Variants in BBS9 observed in about 807,000 individuals in gnomAD.
BBS9 encodes the protein Bardet-Biedl syndrome 9.
Under a neutral mutation model 117.7 loss-of-function variants are expected in BBS9, and 89 were observed. The observed-to-expected ratio is 0.76, with a 90% CI of 0.64 to 0.90. The LOEUF (loss-of-function observed/expected upper bound fraction) is 0.90. Among genes scored for constraint, BBS9 ranks in the 40% least tolerant of loss-of-function variants. BBS9 has a pLI of 0.00. For synonymous variants in BBS9, 379 were observed against 370.9 expected (o/e 1.02, Z -0.25); for missense variants, 982 against 1,042.2 (o/e 0.94, Z 0.80).
chr7:33,408,269 C>G (rs987549784), intron 19 of BBS9, among the ~76,000 whole-genome samples: 2 of 152,186 alleles, frequency 1.3e-5, no homozygotes, highest in African/African-American at 4.8e-5. Flanking sequence ...TCCTGGTGCG[C>G]CGTTTCCTAA....
intron 4 of BBS9, among the ~76,000 whole-genome samples, chr7:33,168,615 G>A (rs961945522): frequency 6.6e-6 from 1 of 151,966 alleles, no homozygotes; most frequent in Non-Finnish European, 1.5e-5. Flanking sequence ...TATCTAATCT[G>A]TCTTCTCTTA....
At chr7:33,147,126 A>G (rs1333269487) in intron 2 of BBS9, among the ~76,000 whole-genome samples, 4 of 152,220 alleles carry the variant, frequency 2.6e-5, no homozygotes, top group Non-Finnish European at 5.9e-5. Context: ...TTATCATATT[A>G]TAATACTAAA....
chr7:33,248,848 A>G (rs1022716498), intron 5 of BBS9, among the ~76,000 whole-genome samples: 5 of 152,014 alleles, frequency 3.3e-5, no homozygotes, highest in Admixed American at 2.0e-4. Context: ...TGCCTTTTTG[A>G]CTACCTATAC....
At chr7:33,266,259 G>A (rs1377956867) in intron 7 of BBS9, among the ~76,000 whole-genome samples, 3 of 152,152 alleles carry the variant, frequency 2.0e-5, no homozygotes, top group African/African-American at 7.2e-5. Context: ...TTACACGATA[G>A]TCACTTTGCA....
intron 19 of BBS9, among the ~76,000 whole-genome samples, chr7:33,404,799 A>G (rs1334931013): frequency 1.3e-5 from 2 of 152,088 alleles, no homozygotes; most frequent in Non-Finnish European, 2.9e-5. Flanking sequence ...AACAGGGACA[A>G]TTTGACTTCC....
intron 5 of BBS9, among the ~76,000 whole-genome samples, chr7:33,221,358 C>A (rs1408220806): frequency 6.6e-6 from 1 of 152,048 alleles, no homozygotes; most frequent in Non-Finnish European, 1.5e-5. Context: ...AATAAATGAA[C>A]GTGCTAATTA....
chr7:33,528,123 A>C (rs1849944620), intron 20 of BBS9, among the ~76,000 whole-genome samples: 1 of 152,176 alleles, frequency 6.6e-6, no homozygotes, highest in African/African-American at 2.4e-5. Flanking sequence ...AACACTTTTC[A>C]TTTTGCATCC....
At chr7:33,487,453 G>A (rs1843272874) in intron 19 of BBS9, among the ~76,000 whole-genome samples, 1 of 152,016 alleles carries the variant, frequency 6.6e-6, no homozygotes, top group South Asian at 2.1e-4. Flanking sequence ...ACTTAAATTG[G>A]CCCCTAAAAA....
At chr7:33,209,451 G>A (rs957798555) in intron 5 of BBS9, among the ~76,000 whole-genome samples, 3 of 152,160 alleles carry the variant, frequency 2.0e-5, no homozygotes, top group Admixed American at 1.3e-4. Flanking sequence ...GTTCTTTTGG[G>A]TGTGTAACTG....
chr7:33,360,157 G>A (rs1277101391), intron 16 of BBS9, among the ~76,000 whole-genome samples: 2 of 151,916 alleles, frequency 1.3e-5, no homozygotes, highest in Non-Finnish European at 2.9e-5. Flanking sequence ...TATTTACGTT[G>A]TTTTTAGTTT....
intron 3 of BBS9, among the ~76,000 whole-genome samples, chr7:33,153,762 A>G (rs1395198530): frequency 6.6e-6 from 1 of 152,136 alleles, no homozygotes; most frequent in Non-Finnish European, 1.5e-5. Flanking sequence ...TTAGGCTGGG[A>G]TATGAGATGA....
intron 19 of BBS9, among the ~76,000 whole-genome samples, chr7:33,487,508 A>G (rs918818275): frequency 2.0e-5 from 3 of 152,240 alleles, no homozygotes; most frequent in Admixed American, 6.5e-5. Context: ...TACTTTTTAC[A>G]TTAGAGAAAC....
chr7:33,430,730 A>G (rs1368019846), intron 19 of BBS9, among the ~76,000 whole-genome samples: 1 of 152,206 alleles, frequency 6.6e-6, no homozygotes, highest in East Asian at 1.9e-4. Context: ...TGGCCAATGG[A>G]CAGTGGAAAT....
At chr7:33,598,783 T>G (rs1212488820) in intron 21 of BBS9, among the ~76,000 whole-genome samples, 1 of 152,180 alleles carries the variant, frequency 6.6e-6, no homozygotes, top group African/African-American at 2.4e-5. Context: ...GGTAGTAGTA[T>G]TGTAAGATAA....
intron 9 of BBS9, among the ~76,000 whole-genome samples, chr7:33,302,729 T>TCTTCTTG (rs1351395948): frequency 6.6e-6 from 1 of 152,234 alleles, no homozygotes; most frequent in Non-Finnish European, 1.5e-5. Flanking sequence ...TCAGTTTTGT[T>TCTTCTTG]CTTCTTGCTT....
chr7:33,358,973 A>G lies in BBS9; in HGVS notation c.1693+978A>G, dbSNP rs58749439. 0.02 allele frequency among the ~76,000 whole-genome samples: 3,010 copies of G among 152,020 alleles called. 206 individuals are homozygous for G. In the East Asian group the frequency reaches 0.26, roughly 13 times the overall value. On this transcript the variant is annotated intron_variant, in intron 16 of 22. Coordinates refer to ENST00000242067, the MANE Select transcript of BBS9 (RefSeq NM_198428.3). ...AACTCTGAAAAATCTCCAAGATTAAATATTTTACTACAATTATTCTATTCT... is the reference window on the plus strand; with the variant it reads ...AACTCTGAAAAATCTCCAAGATTAAGTATTTTACTACAATTATTCTATTCT...
intron 9 of BBS9, among the ~76,000 whole-genome samples, chr7:33,313,064 T>TGTGC (rs775083252): frequency 0.011 from 1,658 of 147,784 alleles, 36 homozygotes; most frequent in Middle Eastern, 0.056. Flanking sequence ...TGTGTGTGTG[T>TGTGC]GCGCGCACAG....
chr7:33,436,497 A>G (rs556315833), intron 19 of BBS9, among the ~76,000 whole-genome samples: 5 of 152,240 alleles, frequency 3.3e-5, no homozygotes, highest in Admixed American at 2.6e-4. Flanking sequence ...TTGTAATTAC[A>G]TTATTTATAA....
chr7:33,149,459 T>G (rs1207656735), intron 2 of BBS9, among the ~76,000 whole-genome samples: 1 of 152,228 alleles, frequency 6.6e-6, no homozygotes, highest in Non-Finnish European at 1.5e-5. Flanking sequence ...TCCTTGTTAA[T>G]CTTGATAGTA....
Sources: gnomAD v4.1 joint callset for allele counts (sites outside exome capture counted in the v4.1 genomes callset) on GRCh38, gnomAD v4.1.1 for gene constraint, MANE v1.5 for transcripts, NCBI Gene and HGNC (gene_info 2026-07-23, HGNC 2026-07-21) for gene names.